The following LAMA5 variants were observed in gnomAD, a reference collection of about 807,000 sequenced individuals.
The protein encoded by LAMA5 is laminin subunit alpha-5.
In LAMA5, 260 loss-of-function variants were observed where a neutral mutation model predicts 433.4. That is an observed-to-expected ratio of 0.60 (90% confidence interval 0.54 to 0.66). LAMA5 has a LOEUF of 0.66. LAMA5 is among the 30% of genes least tolerant of loss of function. The pLI is 0.00. For missense variants in LAMA5, 5,378 were observed against 5,258.5 expected (o/e 1.02, Z -0.70); for synonymous variants, 2,620 against 2,226.6 (o/e 1.18, Z -4.97).
chr20:62,330,034 G>C, intron 31 of LAMA5, 118 bp from the exon 32 acceptor site: 1 of 1,397,016 alleles, frequency 7.2e-7, no homozygotes, highest in Non-Finnish European at 9.5e-7. Context: ...AACGGCCACA[G>C]GCACGGGACG....
chr20:62,367,058 G>T lies in LAMA5; in HGVS notation c.188C>A (p.Thr63Asn). The change falls in exon 1 of 80, where the codon ACC (threonine) becomes AAC (asparagine). Residue 63 changes from threonine (T) to asparagine (N), a missense_variant. Coordinates refer to ENST00000252999, the MANE Select transcript of LAMA5 (RefSeq NM_005560.6). ...GCGCGCCGGGGCCTCCTCTCCGCAGGTCGCGGAGGCGGCGATGCGGGCGCC... is the reference window on the plus strand; with the variant it reads ...GCGCGCCGGGGCCTCCTCTCCGCAGTTCGCGGAGGCGGCGATGCGGGCGCC... ...AEGARIAASA[T>N]CGEEAPARGS... is the part of the protein sequence containing the mutation. 7.9e-7 allele frequency: 1 copy of T among 1,265,752 alleles called. No individual in the cohort carries two copies. Among genetic ancestry groups the T allele is most frequent in the South Asian group, 3.1e-5 (1 of 32,500 alleles). The allele number at this position is 1,265,752 out of a possible 1,614,324, so 78.4% of individuals were successfully genotyped here.
intron 27 of LAMA5, 35 bp from the exon 28 acceptor site, chr20:62,332,515 C>G (rs1395877630): frequency 1.2e-6 from 2 of 1,607,978 alleles, no homozygotes; most frequent in Non-Finnish European, 1.7e-6. Flanking sequence ...GTGGGGCAGC[C>G]CCGGGCGTGC....
intron 11 of LAMA5, among the ~76,000 whole-genome samples, chr20:62,344,924 C>T (rs575414859): frequency 4.8e-4 from 73 of 152,286 alleles, no homozygotes; most frequent in Non-Finnish European, 9.3e-4. Flanking sequence ...GGACAGGGTG[C>T]AGAGCGCATG....
At chr20:62,309,650 T>TGGGGGGGTGGG (rs1568885175) in intron 79 of LAMA5, 66 bp downstream of exon 79, 1 of 292,848 alleles carries the variant, frequency 3.4e-6, no homozygotes, top group Non-Finnish European at 5.2e-6. Context: ...GGGGGGAGGG[T>TGGGGGGGTGGG]GGTAGGTTAC....
At chr20:62,343,686 G>A (rs890058503) in intron 11 of LAMA5, among the ~76,000 whole-genome samples, 2 of 144,550 alleles carry the variant, frequency 1.4e-5, no homozygotes, top group African/African-American at 5.0e-5. Context: ...TGAGGCAGGA[G>A]AATCACTTGA....
intron 31 of LAMA5, 81 bp from the exon 32 acceptor site, chr20:62,329,997 G>A (rs1426944513): frequency 1.3e-6 from 2 of 1,529,504 alleles, no homozygotes; most frequent in East Asian, 2.4e-5. Flanking sequence ...TGGCAGCGTT[G>A]GGGCAGCCAA....
At chr20:62,321,755 T>TGGGGCCAGCGGA (rs1568919026) in intron 48 of LAMA5, among the ~76,000 whole-genome samples, 7 of 4,590 alleles carry the variant, frequency 1.5e-3, no homozygotes, top group Admixed American at 4.2e-3. Context: ...AGTGGAGGGG[T>TGGGGCCAGCGGA]GGGGTCAGTG....
At position 62,329,259 on chromosome 20, in the gene LAMA5, G is replaced by A. The variant is rs767016289; in HGVS notation, c.4120-6C>T. On this transcript the variant is annotated splice_region_variant and splice_polypyrimidine_tract_variant and intron_variant, in intron 32 of 79. Transcript: ENST00000252999. ...GGGACCACGAGTACATAATCCTAGG[G>A]GGTGAGGCCTGGTCACTCTCCCGCG... The A allele has an allele frequency of 6.2e-7, 1 of 1,602,050 alleles. No homozygotes were observed. The highest frequency in any genetic ancestry group is 1.3e-5 in the African/African-American group (1 of 74,658).
chr20:62,311,257 G>C lies in LAMA5; in HGVS notation c.9993C>G (p.Pro3331=). Residue 3331 remains proline, a synonymous_variant, in exon 73 of 80, where the codon CCC becomes CCG. Coordinates refer to ENST00000252999, the MANE Select transcript of LAMA5 (RefSeq NM_005560.6). ...AGTCTCGGGTGGTCCTGAGGTGTGG[G>C]GGCAGCATGCAGGCAGGATGCCGGG... ...QPARHPACML[P]PHLRTTRDSY... 2 of 1,606,144 alleles carry C rather than the reference G, an allele frequency of 1.2e-6. No individual in the cohort carries two copies. The highest frequency in any genetic ancestry group is 1.7e-6 in the Non-Finnish European group (2 of 1,177,518).
At position 62,312,067 on chromosome 20, in the gene LAMA5, G is replaced by C. The variant is rs760769629; in HGVS notation, c.9505-17C>G. On this transcript the variant is annotated splice_polypyrimidine_tract_variant and intron_variant, in intron 69 of 79. Coordinates refer to ENST00000252999, the MANE Select transcript of LAMA5 (RefSeq NM_005560.6). ...TAGCCCATCCTGGGGACGGCAGCCAGGTCAGCCGGCCGGCCTGGGGACCCA... is the reference window on the plus strand; with the variant it reads ...TAGCCCATCCTGGGGACGGCAGCCACGTCAGCCGGCCGGCCTGGGGACCCA... The C allele has an allele frequency of 1.2e-6, 2 of 1,610,368 alleles. No homozygotes were observed. Among genetic ancestry groups the C allele is most frequent in the African/African-American group, 2.7e-5 (2 of 74,906 alleles).
chr20:62,334,872 C>T, intron 20 of LAMA5, 149 bp downstream of exon 20: 2 of 769,000 alleles, frequency 2.6e-6, no homozygotes, highest in Non-Finnish European at 4.3e-6. Context: ...CTCTCCCACA[C>T]CCTGGCACAG....
Position 62,327,382 on chromosome 20 carries a change from G to A in LAMA5, c.4963C>T (p.Leu1655=), listed in dbSNP as rs374800559. The change falls in exon 38 of 80, where the codon CTG becomes TTG. Residue 1655 remains leucine (L), a synonymous_variant. Transcript: ENST00000252999. ...QEFVDMEGWV[L]LSTDRQVVPH... ...ACCACCTGCCGGTCAGTGCTCAGCA[G>A]CACCCATCCCTCCATATCCACGAAC... 6.9e-6 allele frequency: 11 copies of A among 1,592,228 alleles called. No individual in the cohort carries two copies. The African/African-American group carries it at 1.1e-4, about 15-fold the overall frequency.
At chr20:62,344,171 T>C (rs1328510961) in intron 11 of LAMA5, among the ~76,000 whole-genome samples, 1 of 140,104 alleles carries the variant, frequency 7.1e-6, no homozygotes, top group Non-Finnish European at 1.5e-5. Flanking sequence ...AAAGACGTCA[T>C]ATCAAATACA....
At chr20:62,319,141 C>G in intron 51 of LAMA5, 128 bp from the exon 52 acceptor site, 1 of 1,003,322 alleles carries the variant, frequency 1.0e-6, no homozygotes. Flanking sequence ...CTGAGCGCAC[C>G]TGGGTGGCCC....
Position 62,317,353 on chromosome 20 carries a change from A to G in LAMA5, c.7503T>C (p.Asn2501=). The stretch of plus-strand genomic sequence containing the variant: ...CTCTCCTGGCCACCCACCTGGACAG[A>G]TTGAGTGCCAGCTGGCCCAGCTGCT... ...HAQQLGQLAL[N]LSSIILDVNQ... Residue 2501 remains asparagine (N), a synonymous_variant, in exon 55 of 80, where the codon AAT becomes AAC. Transcript: ENST00000252999. The G allele has an allele frequency of 6.2e-7, 1 of 1,607,302 alleles. No individual in the cohort carries two copies. The highest frequency in any genetic ancestry group is 8.5e-7 in the Non-Finnish European group (1 of 1,178,608).
chr20:62,320,668 C>T lies in LAMA5; in HGVS notation c.6650G>A (p.Ser2217Asn). 1 of 1,610,236 alleles carries T rather than the reference C, an allele frequency of 6.2e-7. No individual in the cohort carries two copies. Among genetic ancestry groups the T allele is most frequent in the Non-Finnish European group, 8.5e-7 (1 of 1,178,994 alleles). The stretch of plus-strand genomic sequence containing the variant: ...GGGGCCCAGGGGGCTCCGGAGCTGG[C>T]TCTGTGGGAGGCGAAAGGTGAAGGC... ...RLNASIADLQ[S>N]QLRSPLGPRH... Residue 2217 changes from serine to asparagine, a missense_variant and splice_region_variant, in exon 50 of 80, where the codon AGC (serine) becomes AAC (asparagine). Ser to Asn is a conservative substitution (Grantham distance 46). Coordinates refer to ENST00000252999, the MANE Select transcript of LAMA5 (RefSeq NM_005560.6).
intron 6 of LAMA5, among the ~76,000 whole-genome samples, chr20:62,348,805 G>C (rs1008522362): frequency 6.6e-6 from 1 of 152,088 alleles, no homozygotes; most frequent in Non-Finnish European, 1.5e-5. Context: ...AAGTGGAAGA[G>C]GAGCAAAGGA....
chr20:62,358,541 C>T (rs2146345309), intron 2 of LAMA5, among the ~76,000 whole-genome samples: 1 of 152,316 alleles, frequency 6.6e-6, no homozygotes, highest in African/African-American at 2.4e-5. Context: ...AGTAGGCCTG[C>T]CCAGGGCCCA....
Position 62,346,229 on chromosome 20 carries a change from G to C in LAMA5, c.1283-14C>G. 6.2e-7 allele frequency: 1 copy of C among 1,608,090 alleles called. No individual in the cohort carries two copies. The highest frequency in any genetic ancestry group is 8.5e-7 in the Non-Finnish European group (1 of 1,177,900). On this transcript the variant is annotated splice_polypyrimidine_tract_variant and intron_variant, in intron 9 of 79. Coordinates refer to ENST00000252999, the MANE Select transcript of LAMA5 (RefSeq NM_005560.6). ...CGCAGTTGCAGCCTGGGCAGGGGCA[G>C]GAGCCGGGTAAGCCTGGAGCTACCA... is the stretch of plus-strand genomic sequence containing the variant.
Sources: allele counts gnomAD v4.1 joint callset (sites outside exome capture counted in the v4.1 genomes callset), GRCh38; gene constraint gnomAD v4.1.1; transcripts MANE v1.5; gene names NCBI Gene and HGNC (gene_info 2026-07-23, HGNC 2026-07-21).